Variants in TFDP2 observed in about 807,000 individuals in gnomAD.
TFDP2 encodes transcription factor Dp-2, also known as transcription factor Dp-2 (E2F dimerization partner 2).
TFDP2 carries 17 observed loss-of-function variants against 59.3 expected under a neutral mutation model. The ratio of observed to expected loss-of-function variants is 0.29; its 90% confidence interval spans 0.20 to 0.43. The LOEUF is 0.43. Ranked by LOEUF, TFDP2 falls within the 20% of genes least tolerant of loss-of-function variation. TFDP2 has a pLI of 1.00. For synonymous variants in TFDP2, 180 were observed against 194.7 expected, an observed-to-expected ratio of 0.92 and a Z score of 0.63; for missense variants, 391 against 528.8, an observed-to-expected ratio of 0.74 and a Z score of 2.56.
intron 7 of TFDP2, among the ~76,000 whole-genome samples, chr3:141,974,907 C>CTTTTTTTTT (rs753702830): frequency 1.4e-3 from 127 of 90,496 alleles, no homozygotes; most frequent in African/African-American, 2.1e-3. Context: ...TCTTCTTCTT[C>CTTTTTTTTT]TTTTTTTTTT....
At chr3:142,019,052 CATT>C (rs771397409) in intron 3 of TFDP2, among the ~76,000 whole-genome samples, 1 of 56,650 alleles carries the variant, frequency 1.8e-5, no homozygotes, top group Non-Finnish European at 3.0e-5. Context: ...ATTCTTCGCA[CATT>C]TTTTTTTTTT....
At chr3:142,028,598 C>T (rs1946267211) in intron 3 of TFDP2, 1 of 985,356 alleles carries the variant, frequency 1.0e-6, no homozygotes, top group Non-Finnish European at 1.2e-6. Flanking sequence ...GGAAGCATGC[C>T]TCTCACTGCA....
chr3:141,974,855 T>A (rs1940355720), intron 7 of TFDP2, among the ~76,000 whole-genome samples: 1 of 150,742 alleles, frequency 6.6e-6, no homozygotes, highest in Non-Finnish European at 1.5e-5. Context: ...AATATAATCC[T>A]CTATATGACA....
rs1463654227 is a variant in TFDP2 at position 141,949,404 on chromosome 3, CT to C, written c.*3108del. On this transcript the variant is annotated 3_prime_UTR_variant, in exon 13 of 13. Coordinates refer to ENST00000489671, the MANE Select transcript of TFDP2 (RefSeq NM_001178139.2). ...TTTCCCGCCCTCCTCCAAGGCCCAC[CT>C]TGATCATAAGGCACAAGGTATACAA... The C allele has an allele frequency of 6.6e-6, 1 of 152,220 alleles. No homozygotes were observed. The highest frequency in any genetic ancestry group is 2.4e-5 in the African/African-American group (1 of 41,422). 9.4% of individuals were successfully genotyped at this position (152,220 alleles called of 1,614,324 possible). A position where few individuals can be genotyped will look rare whatever the true frequency, so the allele number is the denominator to read the frequency against.
intron 3 of TFDP2, among the ~76,000 whole-genome samples, chr3:142,081,949 G>C (rs1395544574): frequency 1.3e-5 from 2 of 152,164 alleles, no homozygotes; most frequent in Non-Finnish European, 2.9e-5. Flanking sequence ...AAAAAGTACA[G>C]CAGGGGTCCC....
At chr3:141,968,763 ATATATAT>A in intron 9 of TFDP2, among the ~76,000 whole-genome samples, 2 of 80,750 alleles carry the variant, frequency 2.5e-5, no homozygotes, top group Non-Finnish European at 4.6e-5. Context: ...TATATATAAC[ATATATAT>A]CTCATATATA....
chr3:141,973,683 CTTTTTTTT>C (rs200088518), intron 8 of TFDP2, among the ~76,000 whole-genome samples: 1 of 132,614 alleles, frequency 7.5e-6, no homozygotes, highest in South Asian at 2.4e-4. Flanking sequence ...CGGCTTGATC[CTTTTTTTT>C]TTTTTTTTTT....
intron 4 of TFDP2, among the ~76,000 whole-genome samples, chr3:142,002,629 C>T (rs1171098258): frequency 6.6e-6 from 1 of 152,114 alleles, no homozygotes; most frequent in Admixed American, 6.6e-5. Flanking sequence ...CTATAGCTCT[C>T]CTTTTCTGAT....
intron 3 of TFDP2, chr3:142,090,743 T>G (rs1327030810): frequency 6.6e-6 from 1 of 152,138 alleles, no homozygotes; most frequent in African/African-American, 2.4e-5. Context: ...GTACTTTTAG[T>G]AGAGACAGGG....
At chr3:142,001,437 T>C (rs946111076) in intron 4 of TFDP2, among the ~76,000 whole-genome samples, 1 of 152,194 alleles carries the variant, frequency 6.6e-6, no homozygotes, top group African/African-American at 2.4e-5. Flanking sequence ...CTGTCCCCCA[T>C]GCCTTGGCAC....
intron 11 of TFDP2, among the ~76,000 whole-genome samples, chr3:141,957,025 GA>G (rs1576450018): frequency 6.8e-6 from 1 of 147,324 alleles, no homozygotes; most frequent in African/African-American, 2.5e-5. Context: ...GACAAGTGTA[GA>G]AAAGGATATG....
chr3:141,950,821 T>A lies in TFDP2; in HGVS notation c.*1692A>T, dbSNP rs1175263813. 6.6e-6 allele frequency: 1 copy of A among 152,506 alleles called. No individual in the cohort carries two copies. The highest frequency in any genetic ancestry group is 1.5e-5 in the Non-Finnish European group (1 of 68,046). 9.4% of individuals were successfully genotyped at this position (152,506 alleles called of 1,614,324 possible). On this transcript the variant is annotated 3_prime_UTR_variant, in exon 13 of 13. Transcript: ENST00000489671. The stretch of plus-strand genomic sequence containing the variant: ...TTCCTGACTGGTCTGAGAGGTGTGC[T>A]CCAGAACCCACGATAAGACCGAGTT...
intron 3 of TFDP2, among the ~76,000 whole-genome samples, chr3:142,026,831 A>T (rs1576765787): frequency 6.6e-6 from 1 of 152,334 alleles, no homozygotes; most frequent in East Asian, 1.9e-4. Flanking sequence ...TTTTCAGCAG[A>T]TAAACATTCT....
chr3:142,084,335 G>A lies in TFDP2; in HGVS notation c.82+8726C>T, dbSNP rs2060738820. On this transcript the variant is annotated intron_variant, in intron 3 of 12. Transcript: ENST00000489671. ...CAAGAGACAGGGAATAACAAATGTT[G>A]GTGAGGATGTGGAGAGAAGGGAACC... is the stretch of plus-strand genomic sequence containing the variant. 2.0e-5 allele frequency among the ~76,000 whole-genome samples: 3 copies of A among 152,140 alleles called. No individual in the cohort carries two copies. The South Asian group carries it at 6.2e-4, about 32-fold the overall frequency.
At chr3:142,144,049 T>C (rs1193842417) in intron 1 of TFDP2, among the ~76,000 whole-genome samples, 3 of 152,130 alleles carry the variant, frequency 2.0e-5, no homozygotes, top group African/African-American at 4.8e-5. Flanking sequence ...GGTACATACA[T>C]ACAATGAAGT....
intron 1 of TFDP2, among the ~76,000 whole-genome samples, chr3:142,130,995 G>A (rs1196446364): frequency 6.8e-6 from 1 of 147,102 alleles, no homozygotes; most frequent in Non-Finnish European, 1.5e-5. Context: ...GGAGGTTGCA[G>A]TGAGCCAAGA....
intron 3 of TFDP2, among the ~76,000 whole-genome samples, chr3:142,089,444 C>T (rs1165199844): frequency 1.3e-5 from 2 of 152,084 alleles, no homozygotes. Flanking sequence ...GACCTAACTT[C>T]AGGGTGTTGC....
rs556428571 is a variant in TFDP2, at chr3:142,124,259, T to C, written c.-92-22418A>G. ...TCAACTGATTCAAAAGTTAATGTGGTAAAATAAGCAAGAATAGCCATAAAA... is the reference window on the plus strand; with the variant it reads ...TCAACTGATTCAAAAGTTAATGTGGCAAAATAAGCAAGAATAGCCATAAAA... On this transcript the variant is annotated intron_variant, in intron 1 of 12. Transcript: ENST00000489671. Among the ~76,000 whole-genome samples, 153 of 152,230 alleles carry C rather than the reference T, an allele frequency of 1.0e-3. 1 individual carries two copies. Among genetic ancestry groups the C allele is most frequent in the African/African-American group, 3.6e-3 (150 of 41,546 alleles).
chr3:141,996,525 C>T (rs149495693), intron 4 of TFDP2, among the ~76,000 whole-genome samples: 1,887 of 152,292 alleles, frequency 0.012, 21 homozygotes, highest in South Asian at 0.043. Flanking sequence ...AGACAAAATG[C>T]TAATTAATTT....
Sources: allele counts gnomAD v4.1 joint callset (sites outside exome capture counted in the v4.1 genomes callset), GRCh38; gene constraint gnomAD v4.1.1; transcripts MANE v1.5; gene names NCBI Gene and HGNC (gene_info 2026-07-23, HGNC 2026-07-21).